Variants in PHF24 observed in about 807,000 individuals in gnomAD.
PHF24 encodes the protein PHD finger protein 24.
In PHF24, 25 loss-of-function variants were observed where a neutral mutation model predicts 42.6. That is an observed-to-expected ratio of 0.59 (90% CI 0.43 to 0.82). The LOEUF (loss-of-function observed/expected upper bound fraction) is 0.82, where lower values mean the gene tolerates loss of function less well. PHF24 is among the 40% of genes least tolerant of loss of function. PHF24 has a pLI of 0.00. For missense variants in PHF24, 470 were observed against 538.1 expected (o/e 0.87, Z 1.25); for synonymous variants, 185 against 204.8 (o/e 0.90, Z 0.83).
At chr9:34,727,050 G>T in the PHF24 span, 1 of 1,499,648 alleles carries the variant, frequency 6.7e-7, no homozygotes. Flanking sequence ...GGAAGAGTGT[G>T]GGCTGGAGTG....
chr9:34,796,370 G>A, the PHF24 span, among the ~76,000 whole-genome samples: 1 of 151,272 alleles, frequency 6.6e-6, no homozygotes, highest in East Asian at 1.9e-4. Context: ...AAAAAAAATT[G>A]AATTTCATCA....
At chr9:34,977,414 C>A in intron 6 of PHF24, 132 bp from the exon 7 acceptor site, 1 of 1,200,580 alleles carries the variant, frequency 8.3e-7, no homozygotes, top group Non-Finnish European at 1.2e-6. Context: ...ACAGCCTCTG[C>A]CTTCAACTCG....
At chr9:34,922,154 G>T in the PHF24 span, 1 of 1,572,702 alleles carries the variant, frequency 6.4e-7, no homozygotes, top group Non-Finnish European at 8.7e-7. Context: ...GTAAATTTTA[G>T]AACGAGGCAG....
intron 1 of PHF24, among the ~76,000 whole-genome samples, chr9:34,966,508 C>T (rs912323217): frequency 6.6e-6 from 1 of 152,066 alleles, no homozygotes; most frequent in Non-Finnish European, 1.5e-5. Context: ...TCAATCATGA[C>T]CTGTAGTCCC....
At chr9:34,899,121 GC>G in the PHF24 span, among the ~76,000 whole-genome samples, 1 of 152,154 alleles carries the variant, frequency 6.6e-6, no homozygotes, top group African/African-American at 2.4e-5. Flanking sequence ...TCACAGCTAA[GC>G]CTGGCATTTC....
chr9:34,711,447 A>G, the PHF24 span, among the ~76,000 whole-genome samples: 1 of 151,654 alleles, frequency 6.6e-6, no homozygotes, highest in African/African-American at 2.4e-5. Context: ...TGCCCAGGCT[A>G]GTCTCGAACG....
chr9:34,977,162 C>T (rs763485399), exon 6 of PHF24: 11 of 1,613,796 alleles, frequency 6.8e-6, no homozygotes, highest in East Asian at 2.2e-5. Flanking sequence ...AGTGGGAGCA[C>T]CGTCAGTGAG....
the PHF24 span, chr9:34,922,633 A>C: frequency 9.7e-7 from 1 of 1,028,448 alleles, no homozygotes; most frequent in Non-Finnish European, 1.5e-6. Context: ...GGGACAGTAC[A>C]TCATTGCAGC....
At chr9:34,839,821 G>A in the PHF24 span, among the ~76,000 whole-genome samples, 1 of 152,216 alleles carries the variant, frequency 6.6e-6, no homozygotes. Context: ...ATAATTTGAT[G>A]TATTACTGAG....
the PHF24 span, among the ~76,000 whole-genome samples, chr9:34,875,934 A>ACTCTCTCTCTCTCTCT: frequency 1.9e-4 from 15 of 78,108 alleles, no homozygotes; most frequent in Non-Finnish European, 3.6e-4. Flanking sequence ...ACACACACAC[A>ACTCTCTCTCTCTCTCT]CACACACACA....
At chr9:34,970,086 C>G (rs1273982793) in intron 1 of PHF24, among the ~76,000 whole-genome samples, 1 of 152,166 alleles carries the variant, frequency 6.6e-6, no homozygotes, top group Non-Finnish European at 1.5e-5. Context: ...TAATACTGTT[C>G]AATAAGCCTT....
the PHF24 span, among the ~76,000 whole-genome samples, chr9:34,879,007 G>C: frequency 6.6e-6 from 1 of 152,174 alleles, no homozygotes; most frequent in Non-Finnish European, 1.5e-5. Context: ...TTGAGATGAA[G>C]CTTCCAGAGG....
At chr9:34,889,682 C>A in the PHF24 span, 25 of 398,374 alleles carry the variant, frequency 6.3e-5, no homozygotes, top group South Asian at 7.7e-4. Flanking sequence ...TTACCAGACC[C>A]TGCAACTCTT....
chr9:34,938,065 G>A, the PHF24 span, among the ~76,000 whole-genome samples: 7 of 152,216 alleles, frequency 4.6e-5, no homozygotes, highest in African/African-American at 1.7e-4. Flanking sequence ...CCACAAAGTG[G>A]AGACAGCCCT....
chr9:34,919,471 C>T, the PHF24 span, among the ~76,000 whole-genome samples: 1 of 152,128 alleles, frequency 6.6e-6, no homozygotes, highest in East Asian at 1.9e-4. Flanking sequence ...CCCTTTCCAG[C>T]CTCTGATAAC....
the PHF24 span, among the ~76,000 whole-genome samples, chr9:34,817,653 T>C: frequency 1.3e-5 from 2 of 152,214 alleles, no homozygotes; most frequent in Non-Finnish European, 2.9e-5. Context: ...TACCAGAGCG[T>C]GGCTTGTCCT....
At chr9:34,867,131 G>C in the PHF24 span, among the ~76,000 whole-genome samples, 4 of 152,168 alleles carry the variant, frequency 2.6e-5, no homozygotes, top group Admixed American at 2.6e-4. Context: ...CCACGGTGCT[G>C]ACTTCCCACA....
chr9:34,957,981 G>A (rs1450402508), upstream of PHF24, among the ~76,000 whole-genome samples: 1 of 151,330 alleles, frequency 6.6e-6, no homozygotes, highest in Non-Finnish European at 1.5e-5. Context: ...CGCTCGTGGG[G>A]GGCGCCCACG....
chr9:34,917,521 C>T, the PHF24 span: 7 of 774,364 alleles, frequency 9.0e-6, no homozygotes, highest in East Asian at 1.2e-4. Context: ...ATTTGAGGCA[C>T]ACCTGTAAAC....
Sources: allele counts gnomAD v4.1 joint callset (sites outside exome capture counted in the v4.1 genomes callset), GRCh38; gene constraint gnomAD v4.1.1; transcripts MANE v1.5; gene names NCBI Gene and HGNC (gene_info 2026-07-23, HGNC 2026-07-21).